The following TERF1 variants were observed in gnomAD, a reference collection of about 807,000 sequenced individuals.
TERF1 encodes the protein telomeric repeat binding factor 1.
A neutral mutation model predicts 55.1 loss-of-function variants in TERF1; 20 were observed. That is an observed-to-expected ratio of 0.36 (90% confidence interval 0.26 to 0.53). The LOEUF (loss-of-function observed/expected upper bound fraction) is 0.53, where lower values mean the gene tolerates loss of function less well. Among genes scored for constraint, TERF1 ranks in the 20% least tolerant of loss-of-function variants. The pLI is 0.91. For synonymous variants in TERF1, 168 were observed against 181.2 expected, an observed-to-expected ratio of 0.93 and a Z score of 0.59; for missense variants, 439 against 535.7, an observed-to-expected ratio of 0.82 and a Z score of 1.78.
intron 8 of TERF1, among the ~76,000 whole-genome samples, chr8:73,037,764 A>G (rs1809633167): frequency 1.8e-5 from 1 of 57,030 alleles, no homozygotes; most frequent in South Asian, 3.9e-4. Context: ...AATATTATAT[A>G]GTATAATATA....
intron 8 of TERF1, among the ~76,000 whole-genome samples, chr8:73,037,223 A>G (rs1809569440): frequency 7.3e-6 from 1 of 136,192 alleles, no homozygotes; most frequent in African/African-American, 2.7e-5. Context: ...ATATAATTAT[A>G]ATATAATAAT....
intron 8 of TERF1, among the ~76,000 whole-genome samples, chr8:73,037,272 A>G (rs1183193729): frequency 7.3e-6 from 1 of 137,712 alleles, no homozygotes. Flanking sequence ...TATATAAAAC[A>G]TGTTATGAGA....
intron 8 of TERF1, among the ~76,000 whole-genome samples, chr8:73,037,645 T>C (rs1809603673): frequency 1.3e-5 from 1 of 75,930 alleles, no homozygotes; most frequent in Non-Finnish European, 2.3e-5. Flanking sequence ...ACATATATAA[T>C]ATATATTATA....
At position 73,039,021 on chromosome 8, in the gene TERF1, T is replaced by G. The variant is rs1809720686; in HGVS notation, c.1040-95T>G. 3 of 961,648 alleles carry G rather than the reference T, an allele frequency of 3.1e-6. No individual in the cohort carries two copies. The African/African-American group carries it at 5.0e-5, about 16-fold the overall frequency. The allele number at this position is 961,648 out of a possible 1,614,324, so 59.6% of individuals were successfully genotyped here. A position where few individuals can be genotyped will look rare whatever the true frequency, so the allele number is the denominator to read the frequency against. On this transcript the variant is annotated intron_variant, in intron 8 of 9. Coordinates refer to ENST00000276603, the MANE Select transcript of TERF1 (RefSeq NM_017489.3). The stretch of plus-strand genomic sequence containing the variant: ...AACATGTACTTTTTCTTAGAATAGC[T>G]TAGAAAAGGAATTTCATTATAATCA...
chr8:73,033,605 C>T (rs1323304652), intron 8 of TERF1, among the ~76,000 whole-genome samples: 1 of 152,070 alleles, frequency 6.6e-6, no homozygotes, highest in Non-Finnish European at 1.5e-5. Flanking sequence ...ATGGTGGTGC[C>T]TGCCTGTAAT....
At position 73,020,775 on chromosome 8, in the gene TERF1, T is replaced by C; in HGVS notation, c.507T>C (p.His169=). 1 of 1,468,814 alleles carries C rather than the reference T, an allele frequency of 6.8e-7. No individual in the cohort carries two copies. The highest frequency in any genetic ancestry group is 9.5e-7 in the Non-Finnish European group (1 of 1,056,708). 91.0% of individuals were successfully genotyped at this position (1,468,814 alleles called of 1,614,324 possible). The change falls in exon 3 of 10, where the codon CAT becomes CAC. Residue 169 remains histidine, a synonymous_variant. Coordinates refer to ENST00000276603, the MANE Select transcript of TERF1 (RefSeq NM_017489.3). ...GSIEKEHDKL[H]EEIQNLIKIQ... is the part of the protein sequence containing the mutation. ...TTGAAAAGGAACATGACAAACTTCA[T>C]GAAGAAATACAGAATTTAATTAAAA...
intron 4 of TERF1, 83 bp downstream of exon 4, chr8:73,022,385 G>A (rs935454970): frequency 1.3e-5 from 10 of 797,472 alleles, no homozygotes; most frequent in Non-Finnish European, 2.0e-5. Flanking sequence ...GAGGAGAAAA[G>A]AAATGCTTTA....
chr8:73,032,695 T>A (rs1809339810), intron 8 of TERF1, among the ~76,000 whole-genome samples: 1 of 152,186 alleles, frequency 6.6e-6, no homozygotes, highest in East Asian at 1.9e-4. Context: ...AATCCGTGAC[T>A]GTAGTTACTT....
chr8:73,038,979 T>G, intron 8 of TERF1, 137 bp from the exon 9 acceptor site: 1 of 778,930 alleles, frequency 1.3e-6, no homozygotes, highest in Non-Finnish European at 2.0e-6. Context: ...TGCTTCCAGA[T>G]TTGAAGGAAA....
intron 2 of TERF1, among the ~76,000 whole-genome samples, chr8:73,015,531 GTC>G (rs1808466722): frequency 6.6e-6 from 1 of 151,854 alleles, no homozygotes; most frequent in South Asian, 2.1e-4. Context: ...GCGAGACCCT[GTC>G]TCTACAAAAA....
intron 1 of TERF1, 99 bp from the exon 2 acceptor site, chr8:73,013,796 T>G: frequency 1.5e-6 from 1 of 664,122 alleles, no homozygotes; most frequent in Non-Finnish European, 2.6e-6. Flanking sequence ...TTTATGATAA[T>G]TTTTACAATA....
chr8:73,015,974 G>A (rs1196865497), intron 2 of TERF1, among the ~76,000 whole-genome samples: 3 of 152,120 alleles, frequency 2.0e-5, no homozygotes, highest in Non-Finnish European at 2.9e-5. Flanking sequence ...ATGTTAGTAA[G>A]GCCAGGCACA....
intron 9 of TERF1, among the ~76,000 whole-genome samples, chr8:73,040,199 C>T (rs1018994605): frequency 1.3e-5 from 2 of 151,972 alleles, no homozygotes; most frequent in Non-Finnish European, 2.9e-5. Flanking sequence ...TTGTGATTCC[C>T]TTTTTTAGCC....
intron 4 of TERF1, among the ~76,000 whole-genome samples, chr8:73,024,426 G>T (rs1808893919): frequency 1.3e-5 from 2 of 152,150 alleles, no homozygotes; most frequent in Non-Finnish European, 2.9e-5. Context: ...CATATGTAGT[G>T]CAAGTAAAGG....
intron 5 of TERF1, 74 bp downstream of exon 5, chr8:73,025,045 A>G: frequency 1.1e-6 from 1 of 945,498 alleles, no homozygotes; most frequent in South Asian, 2.4e-5. Context: ...TACTTGAAAT[A>G]GAAATCCTTT....
chr8:73,035,743 A>G (rs995620901), intron 8 of TERF1, among the ~76,000 whole-genome samples: 1 of 152,318 alleles, frequency 6.6e-6, no homozygotes, highest in South Asian at 2.1e-4. Flanking sequence ...AAATCTCTCC[A>G]TCAGAGCTAG....
In TERF1 at chr8:73,017,939, G is replaced by T. The variant is rs541933468; in HGVS notation, c.416-2745G>T. Among the ~76,000 whole-genome samples, 5 of 152,242 alleles carry T rather than the reference G, an allele frequency of 3.3e-5. No homozygotes were observed. The South Asian group carries it at 1.0e-3, about 32-fold the overall frequency. On this transcript the variant is annotated intron_variant, in intron 2 of 9. Transcript: ENST00000276603. ...GATGGTCTCAATTTCTTGATTGGCG[G>T]ATCTCGTGATCCGCCTGCCTTGGCC...
intron 8 of TERF1, among the ~76,000 whole-genome samples, chr8:73,036,557 T>A (rs1809518756): frequency 6.6e-6 from 1 of 151,878 alleles, no homozygotes; most frequent in African/African-American, 2.4e-5. Flanking sequence ...TATACAGTCA[T>A]CCCTTGGTTT....
At chr8:73,012,893 A>G (rs3779667) in intron 1 of TERF1, 7,436 of 455,956 alleles carry the variant, frequency 0.016, 549 homozygotes, top group Admixed American at 0.14. Flanking sequence ...GGCTATCTGA[A>G]GTCATCACCT....
Sources: allele counts gnomAD v4.1 joint callset (sites outside exome capture counted in the v4.1 genomes callset), GRCh38; gene constraint gnomAD v4.1.1; transcripts MANE v1.5; gene names NCBI Gene and HGNC (gene_info 2026-07-23, HGNC 2026-07-21).